The following SLC13A4 variants were observed in gnomAD, a reference collection of about 807,000 sequenced individuals.
SLC13A4 encodes solute carrier family 13 member 4, also known as Na(+)/sulfate cotransporter SUT-1.
A neutral mutation model predicts 72.7 loss-of-function variants in SLC13A4; 28 were observed. The ratio of observed to expected loss-of-function variants is 0.39; its 90% CI spans 0.29 to 0.53. The LOEUF (loss-of-function observed/expected upper bound fraction) is 0.53. SLC13A4 is among the 20% of genes least tolerant of loss of function. SLC13A4 has a pLI of 0.78. For missense variants in SLC13A4, 653 were observed against 788.0 expected (o/e 0.83, Z 2.05); for synonymous variants, 312 against 325.5 (o/e 0.96, Z 0.45).
intron 2 of SLC13A4, among the ~76,000 whole-genome samples, chr7:135,712,066 T>C (rs1796317715): frequency 6.9e-6 from 1 of 144,046 alleles, no homozygotes. Context: ...TCAAGTGATC[T>C]GCTCATCTCA....
At chr7:135,701,595 C>A in intron 7 of SLC13A4, 85 bp downstream of exon 7, 1 of 1,370,204 alleles carries the variant, frequency 7.3e-7, no homozygotes, top group South Asian at 1.2e-5. Flanking sequence ...GCCTGATTCC[C>A]TTACGACTTC....
intron 14 of SLC13A4, among the ~76,000 whole-genome samples, chr7:135,684,609 TG>T (rs1164264311): frequency 6.6e-6 from 1 of 151,788 alleles, no homozygotes; most frequent in East Asian, 1.9e-4. Flanking sequence ...TTGATTGAAG[TG>T]GGGATTCCTC....
At chr7:135,689,953 G>A (rs956658603) in intron 13 of SLC13A4, among the ~76,000 whole-genome samples, 1 of 152,104 alleles carries the variant, frequency 6.6e-6, no homozygotes, top group African/African-American at 2.4e-5. Flanking sequence ...GCCAAGGTGG[G>A]TGGATCACTT....
At chr7:135,696,697 C>T (rs989391228) in intron 8 of SLC13A4, among the ~76,000 whole-genome samples, 2 of 152,134 alleles carry the variant, frequency 1.3e-5, no homozygotes, top group African/African-American at 4.8e-5. Context: ...CTTCCCTTCA[C>T]AGCCAGCTCT....
chr7:135,692,012 G>T lies in SLC13A4; in HGVS notation c.1223+311C>A. ...ATGTGCCTCCCTTCTCAAGTGAGAA[G>T]TTGATTTCTTCTTTACAGTTGGTAC... On this transcript the variant is annotated intron_variant, in intron 11 of 15. Transcript: ENST00000682651. The T allele has an allele frequency of 1.2e-5, 5 of 426,124 alleles. No homozygotes were observed. The Middle Eastern group carries it at 1.9e-3, about 165-fold the overall frequency. The allele number at this position is 426,124 out of a possible 1,614,324, so 26.4% of individuals were successfully genotyped here.
chr7:135,681,830 C>T, intron 15 of SLC13A4, 130 bp from the exon 16 acceptor site: 2 of 1,250,716 alleles, frequency 1.6e-6, no homozygotes, highest in Non-Finnish European at 2.2e-6. Context: ...CTGGGGTGCT[C>T]TAGCATTGCC....
At chr7:135,724,104 GA>G (rs2129495560) in intron 1 of SLC13A4, among the ~76,000 whole-genome samples, 1 of 152,336 alleles carries the variant, frequency 6.6e-6, no homozygotes, top group Non-Finnish European at 1.5e-5. Flanking sequence ...CCTCACTGGG[GA>G]CCCTTATTTC....
intron 1 of SLC13A4, among the ~76,000 whole-genome samples, chr7:135,722,288 G>A (rs1463389529): frequency 7.2e-5 from 11 of 152,058 alleles, no homozygotes; most frequent in East Asian, 3.9e-4. Context: ...AAAACAGTTC[G>A]TTCACATGTG....
chr7:135,694,358 C>G, intron 9 of SLC13A4, 120 bp from the exon 10 acceptor site: 1 of 622,958 alleles, frequency 1.6e-6, no homozygotes, highest in Non-Finnish European at 2.8e-6. Context: ...CTTTCACATG[C>G]TCTATCCCTC....
At chr7:135,682,281 T>C (rs540796717) in intron 15 of SLC13A4, among the ~76,000 whole-genome samples, 4 of 152,284 alleles carry the variant, frequency 2.6e-5, no homozygotes, top group Admixed American at 6.5e-5. Context: ...TCTGAGGGAA[T>C]TACACCTCAG....
At chr7:135,698,398 G>C (rs548044854) in intron 8 of SLC13A4, among the ~76,000 whole-genome samples, 2 of 134,956 alleles carry the variant, frequency 1.5e-5, no homozygotes, top group Non-Finnish European at 3.1e-5. Context: ...GCAGTGTCAC[G>C]ATCTTGGCTC....
chr7:135,697,591 T>TG, intron 8 of SLC13A4, among the ~76,000 whole-genome samples: 1 of 142,614 alleles, frequency 7.0e-6, no homozygotes, highest in East Asian at 2.4e-4. Context: ...TTCTCCTTTT[T>TG]TTTTTTTTTT....
At chr7:135,687,637 G>GC (rs1795663366) in intron 13 of SLC13A4, among the ~76,000 whole-genome samples, 1 of 152,154 alleles carries the variant, frequency 6.6e-6, no homozygotes, top group Non-Finnish European at 1.5e-5. Context: ...TTGTTTCAGA[G>GC]CCCCAAGGCC....
rs73452494 is a variant in SLC13A4 at position 135,682,897 on chromosome 7, G to A, written c.1747-1197C>T. On this transcript the variant is annotated intron_variant, in intron 15 of 15. Coordinates refer to ENST00000682651, the MANE Select transcript of SLC13A4 (RefSeq NM_001318192.2). The stretch of plus-strand genomic sequence containing the variant: ...GGAGAGCTGGGGTAGAGCTCAGCGT[G>A]AGCAGACTGAGGGTTACGCAGTAAG... Among the ~76,000 whole-genome samples, 1,451 of 152,258 alleles carry A rather than the reference G, an allele frequency of 9.5e-3. 19 individuals are homozygous for A. The highest frequency in any genetic ancestry group is 0.033 in the African/African-American group (1,358 of 41,550).
chr7:135,706,598 T>TA (rs1796167585), intron 3 of SLC13A4, among the ~76,000 whole-genome samples: 1 of 152,228 alleles, frequency 6.6e-6, no homozygotes, highest in Non-Finnish European at 1.5e-5. Flanking sequence ...GGTGTAGACT[T>TA]ACCATTGTTT....
rs1563172367 is a variant in SLC13A4, at chr7:135,721,432, A to T, written c.191T>A (p.Phe64Tyr). 2 of 1,614,062 alleles carry T rather than the reference A, an allele frequency of 1.2e-6. No homozygotes were observed. The highest frequency in any genetic ancestry group is 2.7e-5 in the African/African-American group (2 of 75,032). Residue 64 changes from phenylalanine to tyrosine, a missense_variant, in exon 2 of 16, where the codon TTC (phenylalanine) becomes TAC (tyrosine). Transcript: ENST00000682651. ...PLGAAALVPA[F>Y]LYPFFGVLRS... ...GAGGACTCCGAAGAACGGGTAAAGG[A>T]AGGCCGGCACCAGGGCTGCAGCTCC...
chr7:135,699,577 C>G, intron 7 of SLC13A4, 29 bp from the exon 8 acceptor site: 1 of 1,574,580 alleles, frequency 6.4e-7, no homozygotes, highest in Non-Finnish European at 8.6e-7. Flanking sequence ...CAAATCTGTC[C>G]AACCCAGCTT....
Position 135,702,772 on chromosome 7 carries a change from CTT to C in SLC13A4, c.633+71_633+72del, listed in dbSNP as rs1796068584. 1.1e-5 allele frequency: 14 copies of C among 1,272,860 alleles called. No individual in the cohort carries two copies. The South Asian group carries it at 1.7e-4, about 15-fold the overall frequency. The allele number at this position is 1,272,860 out of a possible 1,614,324, so 78.8% of individuals were successfully genotyped here. On this transcript the variant is annotated intron_variant, in intron 6 of 15. Coordinates refer to ENST00000682651, the MANE Select transcript of SLC13A4 (RefSeq NM_001318192.2). ...AGCTGTTGAAAATCTGGTTCTGAAT[CTT>C]GGGTTTCCATGAAGAAGTGCTGAGG...
At chr7:135,713,587 A>G (rs535237929) in intron 2 of SLC13A4, among the ~76,000 whole-genome samples, 2 of 151,978 alleles carry the variant, frequency 1.3e-5, no homozygotes, top group Admixed American at 6.6e-5. Context: ...TTTATTTTAT[A>G]TATTTTTTGA....
Sources: allele counts gnomAD v4.1 joint callset (sites outside exome capture counted in the v4.1 genomes callset), GRCh38; gene constraint gnomAD v4.1.1; transcripts MANE v1.5; gene names NCBI Gene and HGNC (gene_info 2026-07-23, HGNC 2026-07-21).